CNBD1: variants seen among roughly 807,000 people sequenced by gnomAD.
The protein encoded by CNBD1 is cyclic nucleotide-binding domain-containing protein 1.
In CNBD1, 71 loss-of-function variants were observed where a neutral mutation model predicts 54.4. That is an observed-to-expected ratio of 1.30 (90% confidence interval 1.08 to 1.59). The LOEUF (loss-of-function observed/expected upper bound fraction) is 1.59, where lower values mean the gene tolerates loss of function less well. Ranked by LOEUF, CNBD1 falls within the 40% of genes most tolerant of loss-of-function variation. The pLI, the probability that CNBD1 is intolerant of heterozygous loss-of-function variation, is 0.00. For synonymous variants in CNBD1, 182 were observed against 170.7 expected (o/e 1.07, Z -0.51); for missense variants, 659 against 518.0 (o/e 1.27, Z -2.64).
chr8:86,954,116 T>C (rs1399231193), intron 4 of CNBD1, among the ~76,000 whole-genome samples: 1 of 152,196 alleles, frequency 6.6e-6, no homozygotes, highest in Non-Finnish European at 1.5e-5. Flanking sequence ...ATTTATCTCA[T>C]GTCCTTCCCT....
At chr8:87,276,249 C>T (rs1170180237) in intron 6 of CNBD1, among the ~76,000 whole-genome samples, 1 of 151,742 alleles carries the variant, frequency 6.6e-6, no homozygotes, top group Admixed American at 6.6e-5. Flanking sequence ...GTTACCAATG[C>T]CTTCCTTTTA....
intron 4 of CNBD1, among the ~76,000 whole-genome samples, chr8:87,070,076 T>C (rs1015207675): frequency 6.6e-6 from 1 of 152,060 alleles, no homozygotes; most frequent in Non-Finnish European, 1.5e-5. Flanking sequence ...TACTCAAAGG[T>C]TTAATAAATT....
chr8:86,920,351 T>C (rs952566653), intron 3 of CNBD1, among the ~76,000 whole-genome samples: 2 of 152,174 alleles, frequency 1.3e-5, no homozygotes. Context: ...AAGAGGTAGC[T>C]TGCTAAGTTT....
At chr8:87,076,607 T>C (rs1810878829) in intron 4 of CNBD1, among the ~76,000 whole-genome samples, 1 of 152,084 alleles carries the variant, frequency 6.6e-6, no homozygotes, top group Non-Finnish European at 1.5e-5. Context: ...CATGTCTGGA[T>C]AATTTTTTGT....
intron 6 of CNBD1, among the ~76,000 whole-genome samples, chr8:87,248,505 T>G (rs185918181): frequency 1.6e-4 from 24 of 152,334 alleles, no homozygotes; most frequent in African/African-American, 3.8e-4. Context: ...CACATTTTTT[T>G]CTTTTGAAAA....
At chr8:87,257,145 G>A (rs1329939925) in intron 6 of CNBD1, among the ~76,000 whole-genome samples, 2 of 151,950 alleles carry the variant, frequency 1.3e-5, no homozygotes, top group African/African-American at 2.4e-5. Context: ...TGAGGTGGGT[G>A]GATCACCTGA....
At chr8:87,361,089 G>A (rs570981858) in intron 10 of CNBD1, among the ~76,000 whole-genome samples, 16 of 151,894 alleles carry the variant, frequency 1.1e-4, no homozygotes, top group Admixed American at 4.6e-4. Flanking sequence ...GGGAATACAC[G>A]ACTCTTTCCC....
At chr8:87,124,282 T>C (rs1379929851) in intron 4 of CNBD1, among the ~76,000 whole-genome samples, 1 of 151,694 alleles carries the variant, frequency 6.6e-6, no homozygotes, top group East Asian at 1.9e-4. Context: ...CATTTTCAAG[T>C]GCACACAGCA....
At chr8:87,146,711 T>A (rs953179909) in intron 4 of CNBD1, among the ~76,000 whole-genome samples, 1 of 152,142 alleles carries the variant, frequency 6.6e-6, no homozygotes, top group Non-Finnish European at 1.5e-5. Context: ...CTATTAAGTA[T>A]GCATTCAAAC....
intron 4 of CNBD1, among the ~76,000 whole-genome samples, chr8:87,155,234 G>A (rs1015234778): frequency 6.6e-6 from 1 of 152,152 alleles, no homozygotes; most frequent in African/African-American, 2.4e-5. Context: ...TTATAGGCAA[G>A]GAGGTGATAT....
chr8:87,141,865 A>G (rs903870837), intron 4 of CNBD1, among the ~76,000 whole-genome samples: 2 of 152,160 alleles, frequency 1.3e-5, no homozygotes, highest in African/African-American at 4.8e-5. Context: ...CTCAGGGCCT[A>G]TACTAAATCT....
At chr8:87,386,518 T>C (rs546633563), downstream of CNBD1, among the ~76,000 whole-genome samples, 14 of 152,140 alleles carry the variant, frequency 9.2e-5, no homozygotes, top group East Asian at 1.2e-3. Flanking sequence ...GTATCAGTGA[T>C]TGAAGATCAA....
chr8:86,905,674 T>C lies in CNBD1; in HGVS notation c.272+480T>C, dbSNP rs527679715. On this transcript the variant is annotated intron_variant, in intron 3 of 10. Coordinates refer to ENST00000518476, the MANE Select transcript of CNBD1 (RefSeq NM_173538.3). ...CTACATTTAGATGTGCTTTATGTAT[T>C]TTTAAAGTCAAAGAATGAGATTACT... Among the ~76,000 whole-genome samples, 5 of 152,286 alleles carry C rather than the reference T, an allele frequency of 3.3e-5. No homozygotes were observed. The East Asian group carries it at 9.7e-4, about 29-fold the overall frequency.
intron 10 of CNBD1, among the ~76,000 whole-genome samples, chr8:87,363,554 G>A (rs1056379856): frequency 6.6e-6 from 1 of 152,044 alleles, no homozygotes; most frequent in South Asian, 2.1e-4. Flanking sequence ...ATTCTAACTG[G>A]CATGAGATGG....
Position 87,389,003 on chromosome 8 carries a change from A to G in CNBD1, c.213+35217A>G, listed in dbSNP as rs1398574197. Reference sequence around the variant, plus strand: ...AAACAGAACCAACGACAAAAACCACATGATTATCTCAATAGATGCAGAAAA... The same window carrying G: ...AAACAGAACCAACGACAAAAACCACGTGATTATCTCAATAGATGCAGAAAA... On this transcript the variant is annotated intron_variant, in intron 2 of 7. Coordinates refer to the CNBD1 transcript ENST00000521593. 2.0e-5 allele frequency among the ~76,000 whole-genome samples: 3 copies of G among 152,318 alleles called. No homozygotes were observed. The East Asian group carries it at 5.8e-4, about 29-fold the overall frequency.
At chr8:87,110,072 C>A (rs1811630573) in intron 4 of CNBD1, among the ~76,000 whole-genome samples, 1 of 152,168 alleles carries the variant, frequency 6.6e-6, no homozygotes, top group Non-Finnish European at 1.5e-5. Context: ...CTTTTCTTCC[C>A]ACACACAGTG....
At chr8:87,275,640 G>T (rs1440648998) in intron 6 of CNBD1, among the ~76,000 whole-genome samples, 1 of 151,562 alleles carries the variant, frequency 6.6e-6, no homozygotes, top group Admixed American at 6.6e-5. Flanking sequence ...AAAACTGGAA[G>T]CATTCCCTTT....
At chr8:86,875,559 G>GTA (rs1808508510) in intron 1 of CNBD1, among the ~76,000 whole-genome samples, 1 of 152,096 alleles carries the variant, frequency 6.6e-6, no homozygotes, top group African/African-American at 2.4e-5. Flanking sequence ...ACACTGATTT[G>GTA]TATCTTTCTT....
chr8:87,001,430 T>G (rs1808990481), intron 4 of CNBD1, among the ~76,000 whole-genome samples: 1 of 152,182 alleles, frequency 6.6e-6, no homozygotes, highest in African/African-American at 2.4e-5. Context: ...TCTAGATAAG[T>G]TACTGTTTCT....
Sources: allele counts gnomAD v4.1 joint callset (sites outside exome capture counted in the v4.1 genomes callset), GRCh38; gene constraint gnomAD v4.1.1; transcripts MANE v1.5; gene names NCBI Gene and HGNC (gene_info 2026-07-23, HGNC 2026-07-21).